The following SUPT16H variants were observed in gnomAD, a reference collection of about 807,000 sequenced individuals.
SUPT16H encodes the protein SPT16 homolog, facilitates chromatin remodeling subunit.
SUPT16H carries 24 observed loss-of-function variants against 136.2 expected under a neutral mutation model. The ratio of observed to expected loss-of-function variants is 0.18; its 90% CI spans 0.13 to 0.25. SUPT16H has a LOEUF of 0.25. SUPT16H is among the 10% of genes least tolerant of loss of function. SUPT16H has a pLI of 1.00. For missense variants in SUPT16H, 623 were observed against 1,270.2 expected (o/e 0.49, Z 7.74); for synonymous variants, 415 against 428.2 (o/e 0.97, Z 0.38).
intron 19 of SUPT16H, among the ~76,000 whole-genome samples, chr14:21,359,193 G>C (rs1181716476): frequency 6.6e-6 from 1 of 152,100 alleles, no homozygotes; most frequent in Non-Finnish European, 1.5e-5. Context: ...TGCCTCTTGG[G>C]TTCAAGTGAT....
chr14:21,369,797 T>C lies in SUPT16H; in HGVS notation c.583A>G (p.Asn195Asp). The change falls in exon 5 of 26, where the codon AAC becomes GAC. Residue 195 changes from asparagine (N) to aspartate (D), a missense_variant. Transcript: ENST00000216297. ...ATGACTCTTTCCTTGAAGAATTTGT[T>C]GAAGACTTCAGAAGTGATGCTGGCT... Reference protein sequence around the residue: ...KAASITSEVFNKFFKERVMEI... With the variant: ...KAASITSEVFDKFFKERVMEI... 6.2e-7 allele frequency: 1 copy of C among 1,614,190 alleles called. No individual in the cohort carries two copies. The highest frequency in any genetic ancestry group is 2.2e-5 in the East Asian group (1 of 44,874).
At position 21,363,307 on chromosome 14, in the gene SUPT16H, C is replaced by T. The variant is rs1886596002; in HGVS notation, c.1321G>A (p.Glu441Lys). 6.2e-7 allele frequency: 1 copy of T among 1,610,472 alleles called. No homozygotes were observed. The highest frequency in any genetic ancestry group is 8.5e-7 in the Non-Finnish European group (1 of 1,177,876). Residue 441 changes from glutamate to lysine, a missense_variant, in exon 12 of 26, where the codon GAG (glutamate) becomes AAG (lysine). By Grantham distance (56) the Glu-to-Lys change is moderately conservative (BLOSUM62 1). Around this residue, in one of 7 missense-constraint regions of SUPT16H, gnomAD observed 343 missense variants for 525.7 expected, o/e 0.65. Transcript: ENST00000216297. ...TCCTCTGCCTCATCTTTCTCCTCCT[C>T]CTCTTCTTCCTCATCTTCATTCTAT... is the stretch of plus-strand genomic sequence containing the variant. Reference protein sequence around the residue: ...FLKNEDEEEEEEEKDEAEDLL... With the variant: ...FLKNEDEEEEKEEKDEAEDLL...
intron 14 of SUPT16H, 37 bp downstream of exon 14, chr14:21,362,757 C>G (rs74453740): frequency 6.4e-7 from 1 of 1,558,128 alleles, no homozygotes; most frequent in African/African-American, 1.4e-5. Flanking sequence ...TTTTAAGCAA[C>G]AGTTTGGATG....
In SUPT16H at chr14:21,372,015, A is replaced by G; in HGVS notation, c.189T>C (p.Asp63=). Residue 63 remains aspartate (D), a synonymous_variant, in exon 3 of 26, where the codon GAT becomes GAC. Coordinates refer to ENST00000216297, the MANE Select transcript of SUPT16H (RefSeq NM_007192.4). ...QTWLFGYELT[D]TIMVFCDDKI... ...TGTCATCACAAAAGACCATGATAGT[A>G]TCAGTTAGTTCATAACCAAAGAGCC... 6.2e-7 allele frequency: 1 copy of G among 1,614,006 alleles called. No homozygotes were observed. The highest frequency in any genetic ancestry group is 8.5e-7 in the Non-Finnish European group (1 of 1,180,004).
Position 21,369,244 on chromosome 14 carries a change from G to C in SUPT16H, c.742C>G (p.Gln248Glu). The stretch of plus-strand genomic sequence containing the variant: ...TTGAGATTATAGTTGCCACCACTCT[G>C]AATGATAGGAGGGTAACACATTTCC... ...TVEMCYPPII[Q>E]SGGNYNLKFS... Residue 248 changes from glutamine (Q) to glutamate (E), a missense_variant, in exon 6 of 26, where the codon CAG becomes GAG. This residue lies in a region of SUPT16H where 343 missense variants were observed against 525.7 expected (regional missense o/e 0.65). Coordinates refer to ENST00000216297, the MANE Select transcript of SUPT16H (RefSeq NM_007192.4). 6.2e-7 allele frequency: 1 copy of C among 1,614,130 alleles called. No homozygotes were observed. Among genetic ancestry groups the C allele is most frequent in the Non-Finnish European group, 8.5e-7 (1 of 1,179,998 alleles).
At chr14:21,381,971 AAAGAG>A (rs1376103459) in intron 1 of SUPT16H, among the ~76,000 whole-genome samples, 6 of 152,130 alleles carry the variant, frequency 3.9e-5, no homozygotes, top group Admixed American at 2.6e-4. Flanking sequence ...AAAAGGTGTA[AAAGAG>A]AAAAGTTATA....
intron 18 of SUPT16H, among the ~76,000 whole-genome samples, chr14:21,359,886 G>A (rs949506027): frequency 2.6e-5 from 4 of 152,136 alleles, no homozygotes; most frequent in South Asian, 2.1e-4. Flanking sequence ...TGGAGATCTC[G>A]TATAAAACAT....
chr14:21,361,313 T>TC, intron 15 of SUPT16H, 100 bp from the exon 16 acceptor site: 1 of 671,954 alleles, frequency 1.5e-6, no homozygotes, highest in South Asian at 2.1e-5. Context: ...CTACTTTGCT[T>TC]TTTTTTTTTT....
intron 22 of SUPT16H, among the ~76,000 whole-genome samples, chr14:21,355,265 C>T (rs553766193): frequency 3.7e-4 from 56 of 152,172 alleles, no homozygotes; most frequent in South Asian, 8.3e-4. Flanking sequence ...GAGGCCAAGG[C>T]AGGCGGATCA....
At chr14:21,371,807 AG>A (rs1463832404) in intron 3 of SUPT16H, 66 bp downstream of exon 3, 1 of 1,585,594 alleles carries the variant, frequency 6.3e-7, no homozygotes, top group East Asian at 2.2e-5. Context: ...AACTCCTATA[AG>A]GCATTTCTGT....
Position 21,354,544 on chromosome 14 carries a change from A to C in SUPT16H, c.2661-4T>G. On this transcript the variant is annotated splice_polypyrimidine_tract_variant and splice_region_variant and intron_variant, in intron 22 of 25. Transcript: ENST00000216297. ...TGTGTATTTCAGGTCGCAGGAACTA[A>C]GAGAAATGACATGACAAAGTCAAAT... 1 of 1,612,650 alleles carries C rather than the reference A, an allele frequency of 6.2e-7. No individual in the cohort carries two copies. Among genetic ancestry groups the C allele is most frequent in the Non-Finnish European group, 8.5e-7 (1 of 1,179,614 alleles).
intron 1 of SUPT16H, chr14:21,382,912 G>A (rs149562509): frequency 1.1e-4 from 16 of 152,230 alleles, no homozygotes; most frequent in African/African-American, 3.4e-4. Flanking sequence ...GGTTTTAGTA[G>A]ATGACCAGTT....
At chr14:21,382,102 G>A (rs1233277600) in intron 1 of SUPT16H, among the ~76,000 whole-genome samples, 1 of 152,172 alleles carries the variant, frequency 6.6e-6, no homozygotes, top group Non-Finnish European at 1.5e-5. Context: ...GCACTGTAGG[G>A]TGAAAAGACT....
At chr14:21,353,444 T>G in intron 25 of SUPT16H, 44 bp downstream of exon 25, 1 of 1,573,986 alleles carries the variant, frequency 6.4e-7, no homozygotes, top group African/African-American at 1.4e-5. Flanking sequence ...TGTTAGAAAT[T>G]TGTGCGTAGA....
At chr14:21,363,823 C>T (rs749254790) in intron 10 of SUPT16H, among the ~76,000 whole-genome samples, 2 of 152,054 alleles carry the variant, frequency 1.3e-5, no homozygotes, top group South Asian at 2.1e-4. Context: ...GAATTACAGA[C>T]GCGCACCACC....
intron 22 of SUPT16H, among the ~76,000 whole-genome samples, chr14:21,356,319 G>A (rs942324097): frequency 6.6e-6 from 1 of 152,172 alleles, no homozygotes; most frequent in African/African-American, 2.4e-5. Flanking sequence ...ATCTCACACA[G>A]AACTAGAAAT....
At chr14:21,357,820 TAAGTA>T (rs2139397972) in intron 21 of SUPT16H, 102 bp downstream of exon 21, 1 of 1,140,368 alleles carries the variant, frequency 8.8e-7, no homozygotes, top group Admixed American at 2.2e-5. Flanking sequence ...GTTTTAAGTC[TAAGTA>T]AATATCAAAA....
chr14:21,376,307 A>C (rs1453132187), intron 1 of SUPT16H, among the ~76,000 whole-genome samples: 2 of 152,188 alleles, frequency 1.3e-5, no homozygotes, highest in African/African-American at 4.8e-5. Context: ...TGAGTTCTCC[A>C]ACCATCAGAT....
chr14:21,372,600 TGC>T (rs1371176186), intron 2 of SUPT16H: 1 of 407,724 alleles, frequency 2.5e-6, no homozygotes, highest in Admixed American at 3.7e-5. Flanking sequence ...TGTCTCTTTT[TGC>T]TTGGAATGTA....
Sources: allele counts gnomAD v4.1 joint callset (sites outside exome capture counted in the v4.1 genomes callset), GRCh38; gene constraint gnomAD v4.1.1; regional missense constraint gnomAD v4.1.1; transcripts MANE v1.5; gene names NCBI Gene and HGNC (gene_info 2026-07-23, HGNC 2026-07-21).